Variants in TENM3 observed in about 807,000 individuals in gnomAD.
TENM3 encodes teneurin-3.
Under a neutral mutation model 255.1 loss-of-function variants are expected in TENM3, and 63 were observed. That is an observed-to-expected ratio of 0.25 (90% CI 0.20 to 0.30). TENM3 has a LOEUF of 0.30. Ranked by LOEUF, TENM3 falls within the 10% of genes least tolerant of loss-of-function variation. The pLI is 1.00. For missense variants in TENM3, 2,929 were observed against 3,461.1 expected (o/e 0.85, Z 3.86); for synonymous variants, 1,306 against 1,322.3 (o/e 0.99, Z 0.27).
intron 1 of TENM3, among the ~76,000 whole-genome samples, chr4:182,228,661 C>G (rs549729471): frequency 6.6e-6 from 1 of 151,938 alleles, no homozygotes; most frequent in Admixed American, 6.6e-5. Context: ...AACATAGCAT[C>G]AAGAAAGTTC....
At chr4:182,199,807 C>T (rs1754070776) in intron 1 of TENM3, among the ~76,000 whole-genome samples, 1 of 148,524 alleles carries the variant, frequency 6.7e-6, no homozygotes, top group Admixed American at 6.9e-5. Context: ...CTCACTGCAG[C>T]CTTGACCTCC....
At chr4:182,210,446 C>G (rs1444387402) in intron 1 of TENM3, among the ~76,000 whole-genome samples, 2 of 151,890 alleles carry the variant, frequency 1.3e-5, no homozygotes, top group African/African-American at 4.8e-5. Flanking sequence ...TATCTCAGTC[C>G]TTCAAATATT....
At chr4:181,921,708 T>G in the TENM3 span, among the ~76,000 whole-genome samples, 1 of 152,190 alleles carries the variant, frequency 6.6e-6, no homozygotes, top group Non-Finnish European at 1.5e-5. Flanking sequence ...TCTCTTTTCC[T>G]AATTGAATAC....
chr4:182,465,545 AT>A (rs925311712), intron 3 of TENM3, among the ~76,000 whole-genome samples: 5 of 152,098 alleles, frequency 3.3e-5, no homozygotes, highest in South Asian at 2.1e-4. Context: ...CGTTTATGGA[AT>A]TTTTTTTATA....
intron 3 of TENM3, among the ~76,000 whole-genome samples, chr4:182,405,736 T>C (rs1360484426): frequency 6.6e-6 from 1 of 152,132 alleles, no homozygotes; most frequent in Admixed American, 6.5e-5. Flanking sequence ...AGAGTTGCGC[T>C]AGGCATTGAA....
chr4:182,193,237 T>C (rs1753631230), intron 1 of TENM3, among the ~76,000 whole-genome samples: 1 of 152,202 alleles, frequency 6.6e-6, no homozygotes, highest in Non-Finnish European at 1.5e-5. Context: ...GTCACGAGTA[T>C]AAAAATGTGT....
At chr4:181,952,403 G>T in the TENM3 span, among the ~76,000 whole-genome samples, 3 of 152,266 alleles carry the variant, frequency 2.0e-5, no homozygotes, top group Non-Finnish European at 2.9e-5. Context: ...CCTGTCTGCC[G>T]CTGGTAATTG....
At chr4:182,095,432 TAA>T in the TENM3 span, among the ~76,000 whole-genome samples, 21 of 152,286 alleles carry the variant, frequency 1.4e-4, 1 homozygote, top group African/African-American at 4.8e-4. Context: ...TTAAGTGAAA[TAA>T]ACCAGGCACA....
chr4:181,899,187 C>T, the TENM3 span, among the ~76,000 whole-genome samples: 469 of 151,942 alleles, frequency 3.1e-3, 1 homozygote, highest in African/African-American at 0.011. Context: ...AATACTGTCT[C>T]TCTTCTTCTT....
At chr4:182,777,509 T>TG (rs1764767817) in intron 24 of TENM3, among the ~76,000 whole-genome samples, 6 of 120,112 alleles carry the variant, frequency 5.0e-5, no homozygotes, top group African/African-American at 1.9e-4. Context: ...CATAATGTGT[T>TG]TATGTGTGTG....
chr4:181,633,545 C>A, the TENM3 span, among the ~76,000 whole-genome samples: 1 of 152,020 alleles, frequency 6.6e-6, no homozygotes, highest in African/African-American at 2.4e-5. Flanking sequence ...TCTAAATGAC[C>A]CTGAGCCTTA....
chr4:182,448,893 AG>A (rs1561457730), intron 3 of TENM3: 2 of 245,200 alleles, frequency 8.2e-6, no homozygotes, highest in Non-Finnish European at 1.7e-5. Flanking sequence ...CCCGGCGCGA[AG>A]GGGTTAAGCG....
At chr4:182,065,377 C>T in the TENM3 span, among the ~76,000 whole-genome samples, 9 of 152,232 alleles carry the variant, frequency 5.9e-5, no homozygotes, top group East Asian at 1.7e-3. Context: ...ATTGGATCAC[C>T]GTTGCACGTG....
chr4:181,848,045 G>A, the TENM3 span, among the ~76,000 whole-genome samples: 6 of 152,260 alleles, frequency 3.9e-5, no homozygotes, highest in Non-Finnish European at 8.8e-5. Flanking sequence ...TTGGGTGCAC[G>A]AAACTGTATG....
the TENM3 span, among the ~76,000 whole-genome samples, chr4:181,583,306 T>A: frequency 2.0e-5 from 3 of 152,152 alleles, no homozygotes; most frequent in African/African-American, 2.4e-5. Flanking sequence ...TTACAAACCA[T>A]GTTTTTGAGG....
At chr4:181,782,544 A>G in the TENM3 span, among the ~76,000 whole-genome samples, 1 of 151,838 alleles carries the variant, frequency 6.6e-6, no homozygotes, top group African/African-American at 2.4e-5. Flanking sequence ...CAGTCTATCA[A>G]TTGTGTTGAT....
chr4:182,638,820 A>G (rs555365469), intron 5 of TENM3, among the ~76,000 whole-genome samples: 1 of 152,294 alleles, frequency 6.6e-6, no homozygotes, highest in African/African-American at 2.4e-5. Context: ...TGGGGAACCC[A>G]TTCTCTTTAT....
intron 3 of TENM3, among the ~76,000 whole-genome samples, chr4:182,393,466 A>C (rs1768580503): frequency 6.6e-6 from 1 of 152,208 alleles, no homozygotes. Flanking sequence ...AACATTTGCA[A>C]ATAATTTATA....
the TENM3 span, among the ~76,000 whole-genome samples, chr4:181,672,502 C>G: frequency 6.6e-6 from 1 of 152,214 alleles, no homozygotes; most frequent in African/African-American, 2.4e-5. Context: ...CCCTGAAAAT[C>G]CTTGGAACGG....
Sources: gnomAD v4.1 joint callset for allele counts (sites outside exome capture counted in the v4.1 genomes callset) on GRCh38, gnomAD v4.1.1 for gene constraint, MANE v1.5 for transcripts, NCBI Gene and HGNC (gene_info 2026-07-23, HGNC 2026-07-21) for gene names.